Variants in ADAMTSL3 observed in about 807,000 individuals in gnomAD.
ADAMTSL3 encodes ADAMTS-like protein 3.
ADAMTSL3 carries 128 observed loss-of-function variants against 201.7 expected under a neutral mutation model. The observed-to-expected ratio is 0.63, with a 90% CI of 0.55 to 0.73. The LOEUF is 0.73. ADAMTSL3 is among the 30% of genes least tolerant of loss of function. ADAMTSL3 has a pLI of 0.00. For synonymous variants in ADAMTSL3, 738 were observed against 748.4 expected (o/e 0.99, Z 0.23); for missense variants, 1,990 against 2,119.6 (o/e 0.94, Z 1.20).
chr15:83,854,936 A>G (rs549503140), intron 7 of ADAMTSL3, among the ~76,000 whole-genome samples: 1 of 152,276 alleles, frequency 6.6e-6, no homozygotes, highest in East Asian at 1.9e-4. Flanking sequence ...TTCTAGAGCA[A>G]CAGGTGTTCC....
intron 4 of ADAMTSL3, among the ~76,000 whole-genome samples, chr15:83,785,971 G>A (rs768753314): frequency 6.6e-6 from 1 of 151,706 alleles, no homozygotes; most frequent in Admixed American, 6.6e-5. Context: ...AGCCTCCCAC[G>A]TAACTGCAGT....
At position 83,858,661 on chromosome 15, in the gene ADAMTSL3, T is replaced by C. The variant is rs1043721040; in HGVS notation, c.728-105T>C. 3.0e-5 allele frequency: 25 copies of C among 829,398 alleles called. No individual in the cohort carries two copies. The Middle Eastern group carries it at 2.1e-3, about 69-fold the overall frequency. The allele number at this position is 829,398 out of a possible 1,614,324, so 51.4% of individuals were successfully genotyped here. ...GTGCTAGGATTACAGAAATGAAATA[T>C]AGTTAAGAATATTTTGCAGACGCCC... On this transcript the variant is annotated intron_variant, in intron 7 of 29. Coordinates refer to ENST00000286744, the MANE Select transcript of ADAMTSL3 (RefSeq NM_207517.3).
chr15:83,977,263 C>T (rs140669740), intron 20 of ADAMTSL3, among the ~76,000 whole-genome samples: 32 of 151,606 alleles, frequency 2.1e-4, no homozygotes, highest in Non-Finnish European at 4.0e-4. Flanking sequence ...ATCCCCACCC[C>T]GACAACTGGT....
chr15:83,812,396 T>C (rs2063712914), intron 5 of ADAMTSL3, among the ~76,000 whole-genome samples: 1 of 152,166 alleles, frequency 6.6e-6, no homozygotes. Context: ...ATTCACTCTT[T>C]TGAAGGAAGT....
intron 17 of ADAMTSL3, among the ~76,000 whole-genome samples, chr15:83,926,587 T>C (rs938831848): frequency 1.3e-5 from 2 of 151,784 alleles, no homozygotes; most frequent in African/African-American, 4.8e-5. Context: ...ATCGTTTCCT[T>C]TTTATTGTTT....
chr15:83,683,253 C>A (rs2061497181), intron 2 of ADAMTSL3, among the ~76,000 whole-genome samples: 1 of 152,120 alleles, frequency 6.6e-6, no homozygotes, highest in African/African-American at 2.4e-5. Context: ...AATAGTGTGG[C>A]CAATTGTGTA....
At chr15:83,661,323 G>T (rs201531891) in intron 2 of ADAMTSL3, among the ~76,000 whole-genome samples, 328 of 151,214 alleles carry the variant, frequency 2.2e-3, no homozygotes, top group Middle Eastern at 0.021. Flanking sequence ...GTGAAGAAAG[G>T]CATTGGTAGC....
At chr15:84,014,953 AT>A (rs11336214) in intron 24 of ADAMTSL3, among the ~76,000 whole-genome samples, 124,400 of 150,196 alleles carry the variant, frequency 0.83, 51,774 homozygotes, top group East Asian at 0.95. Flanking sequence ...TGTGTGTGTG[AT>A]TTTTTTTTTT....
At position 83,959,931 on chromosome 15, in the gene ADAMTSL3, A is replaced by G. The variant is rs1447663800; in HGVS notation, c.2491-10553A>G. Among the ~76,000 whole-genome samples the G allele has an allele frequency of 2.0e-5, 3 of 152,206 alleles. No individual in the cohort carries two copies. In the East Asian group the frequency reaches 5.8e-4, roughly 29 times the overall value. ...TCAGGATGGGGAGAAAAAGTCAAAT[A>G]TGTATCATTAAAAATGTCTTCTGAG... is the stretch of plus-strand genomic sequence containing the variant. On this transcript the variant is annotated intron_variant, in intron 19 of 29. Coordinates refer to ENST00000286744, the MANE Select transcript of ADAMTSL3 (RefSeq NM_207517.3).
chr15:83,817,393 A>C (rs1355534888), intron 5 of ADAMTSL3, among the ~76,000 whole-genome samples: 1 of 152,224 alleles, frequency 6.6e-6, no homozygotes, highest in Non-Finnish European at 1.5e-5. Context: ...CATGACTGCT[A>C]ATCTGTAAAG....
chr15:83,822,250 T>C (rs71408819), intron 6 of ADAMTSL3, among the ~76,000 whole-genome samples: 7,227 of 83,562 alleles, frequency 0.086, 343 homozygotes, highest in Middle Eastern at 0.26. Flanking sequence ...GGGTGGCTGC[T>C]GGGCGGAGGG....
chr15:83,716,608 T>TTGTGTG (rs142230336), intron 3 of ADAMTSL3, among the ~76,000 whole-genome samples: 6 of 150,672 alleles, frequency 4.0e-5, no homozygotes, highest in African/African-American at 4.9e-5. Context: ...CTTTATTTCT[T>TTGTGTG]TGTGTGTGTG....
chr15:83,800,496 A>G (rs897440325), intron 4 of ADAMTSL3, among the ~76,000 whole-genome samples: 18 of 152,212 alleles, frequency 1.2e-4, no homozygotes, highest in African/African-American at 4.3e-4. Context: ...ACACAGCCAT[A>G]AGATACCTTT....
At chr15:83,793,117 G>A (rs1044055525) in intron 4 of ADAMTSL3, among the ~76,000 whole-genome samples, 3 of 152,160 alleles carry the variant, frequency 2.0e-5, no homozygotes, top group Admixed American at 6.5e-5. Flanking sequence ...TCACTCATAT[G>A]TAGACGCTAA....
At position 83,674,698 on chromosome 15, in the gene ADAMTSL3, TATATATACATATATACACAC is replaced by T. The variant is rs1567063990; in HGVS notation, c.69+18924_69+18943del. Among the ~76,000 whole-genome samples the T allele has an allele frequency of 4.5e-3, 560 of 123,986 alleles. 1 individual carries two copies. The highest frequency in any genetic ancestry group is 8.9e-3 in the African/African-American group (279 of 31,314). 81.3% of individuals were successfully genotyped at this position (123,986 alleles called of 152,430 possible). ...ACACACATATATACATATATACACA[TATATATACATATATACACAC>T]ATATATACATATATACACACATATA... On this transcript the variant is annotated intron_variant, in intron 2 of 29. Coordinates refer to ENST00000286744, the MANE Select transcript of ADAMTSL3 (RefSeq NM_207517.3).
intron 17 of ADAMTSL3, among the ~76,000 whole-genome samples, chr15:83,931,061 CT>C (rs140522534): frequency 0.01 from 1,566 of 152,308 alleles, 30 homozygotes; most frequent in African/African-American, 0.035. Flanking sequence ...GTTACTCCCC[CT>C]GATCTATCCT....
chr15:83,711,692 G>A (rs1490313906), intron 3 of ADAMTSL3, among the ~76,000 whole-genome samples: 1 of 152,236 alleles, frequency 6.6e-6, no homozygotes, highest in Non-Finnish European at 1.5e-5. Flanking sequence ...CATGAATACT[G>A]CACATGCAAC....
At chr15:83,699,907 T>G (rs1044029947) in intron 2 of ADAMTSL3, among the ~76,000 whole-genome samples, 1 of 152,226 alleles carries the variant, frequency 6.6e-6, no homozygotes, top group Non-Finnish European at 1.5e-5. Flanking sequence ...TCTCCCAACA[T>G]TATTCTCATA....
intron 6 of ADAMTSL3, among the ~76,000 whole-genome samples, chr15:83,821,513 AC>A (rs1302513671): frequency 2.6e-5 from 4 of 151,296 alleles, no homozygotes; most frequent in African/African-American, 9.7e-5. Context: ...AATCCATTTA[AC>A]CCTGAGTGGA....
Sources: gnomAD v4.1 joint callset for allele counts (sites outside exome capture counted in the v4.1 genomes callset) on GRCh38, gnomAD v4.1.1 for gene constraint, MANE v1.5 for transcripts, NCBI Gene and HGNC (gene_info 2026-07-23, HGNC 2026-07-21) for gene names.